The following CNGB3 variants were observed in gnomAD, a reference collection of about 807,000 sequenced individuals.
The protein encoded by CNGB3 is cyclic nucleotide gated channel subunit beta 3, also known as cyclic nucleotide-gated channel beta-3.
In CNGB3, 86 loss-of-function variants were observed where a neutral mutation model predicts 92.8. That is an observed-to-expected ratio of 0.93 (90% CI 0.78 to 1.11). The LOEUF is 1.11. CNGB3 is among the 50% of genes least tolerant of loss of function. The pLI, the probability that CNGB3 is intolerant of heterozygous loss-of-function variation, is 0.00. For synonymous variants in CNGB3, 333 were observed against 332.7 expected, an observed-to-expected ratio of 1.00 and a Z score of -0.01; for missense variants, 1,026 against 956.8, an observed-to-expected ratio of 1.07 and a Z score of -0.95.
intron 3 of CNGB3, among the ~76,000 whole-genome samples, chr8:86,711,701 T>C (rs987360991): frequency 1.3e-5 from 2 of 152,232 alleles, no homozygotes; most frequent in South Asian, 2.1e-4. Context: ...TGTAAAGCAC[T>C]CTTGCTGTTT....
At chr8:86,710,776 A>G (rs192505432) in intron 3 of CNGB3, among the ~76,000 whole-genome samples, 1 of 152,344 alleles carries the variant, frequency 6.6e-6, no homozygotes, top group Non-Finnish European at 1.5e-5. Context: ...ACTTATGAAA[A>G]TAAGCTGGAA....
intron 15 of CNGB3, among the ~76,000 whole-genome samples, chr8:86,580,797 G>A (rs1257193162): frequency 6.6e-6 from 1 of 152,178 alleles, no homozygotes; most frequent in African/African-American, 2.4e-5. Flanking sequence ...AGACACCATA[G>A]GATCTGCATT....
In CNGB3 at chr8:86,659,000, C is replaced by T. The variant is rs949593384; in HGVS notation, c.853-4938G>A. On this transcript the variant is annotated intron_variant, in intron 6 of 17. Coordinates refer to ENST00000320005, the MANE Select transcript of CNGB3 (RefSeq NM_019098.5). Reference sequence around the variant, plus strand: ...GGGCTTGGAGCTGTCCTGCCAGACCCTCCAGCTCCTTCCGCAGGTGCTCGG... The same window carrying T: ...GGGCTTGGAGCTGTCCTGCCAGACCTTCCAGCTCCTTCCGCAGGTGCTCGG... The T allele has an allele frequency of 1.5e-5, 16 of 1,045,664 alleles. No individual in the cohort carries two copies. In the East Asian group the frequency reaches 3.4e-4, roughly 22 times the overall value. The allele number at this position is 1,045,664 out of a possible 1,614,324, so 64.8% of individuals were successfully genotyped here. A position where few individuals can be genotyped will look rare whatever the true frequency, so the allele number is the denominator to read the frequency against.
At chr8:86,593,907 C>T (rs1026827637) in intron 15 of CNGB3, 14 of 593,674 alleles carry the variant, frequency 2.4e-5, no homozygotes, top group Admixed American at 1.9e-4. Flanking sequence ...TGGTAGTCAC[C>T]GCCTGTGTGC....
chr8:86,672,237 T>C (rs1331645577), intron 3 of CNGB3, among the ~76,000 whole-genome samples: 1 of 152,168 alleles, frequency 6.6e-6, no homozygotes, highest in African/African-American at 2.4e-5. Context: ...TAGCTAGGAC[T>C]ACAGGTGCAT....
intron 3 of CNGB3, among the ~76,000 whole-genome samples, chr8:86,691,049 T>G (rs1362386124): frequency 2.6e-5 from 4 of 152,228 alleles, no homozygotes; most frequent in African/African-American, 9.6e-5. Context: ...CAGGCTCTTT[T>G]TTGGTTCCAT....
At chr8:86,653,655 G>T (rs1021402450) in intron 7 of CNGB3, among the ~76,000 whole-genome samples, 1 of 152,056 alleles carries the variant, frequency 6.6e-6, no homozygotes. Context: ...AGAAAGAAGC[G>T]GGAGTAAAAA....
At chr8:86,592,486 A>G (rs950483964) in intron 15 of CNGB3, among the ~76,000 whole-genome samples, 1 of 152,154 alleles carries the variant, frequency 6.6e-6, no homozygotes, top group Non-Finnish European at 1.5e-5. Context: ...GTGTTTCTCC[A>G]TTTTGACTGA....
At chr8:86,601,421 G>C (rs753790541) in intron 15 of CNGB3, among the ~76,000 whole-genome samples, 4 of 152,062 alleles carry the variant, frequency 2.6e-5, no homozygotes, top group Admixed American at 1.3e-4. Context: ...ATGTGGTCTG[G>C]GTTTTCTCAA....
At chr8:86,694,487 C>T (rs1418689518) in intron 3 of CNGB3, among the ~76,000 whole-genome samples, 1 of 151,908 alleles carries the variant, frequency 6.6e-6, no homozygotes, top group South Asian at 2.1e-4. Context: ...GACGGAGGGT[C>T]TCCTCACTTC....
intron 6 of CNGB3, 51 bp downstream of exon 6, chr8:86,666,874 A>T (rs1474679464): frequency 7.1e-7 from 1 of 1,417,066 alleles, no homozygotes; most frequent in Non-Finnish European, 9.9e-7. Context: ...TTTGTAGCCC[A>T]ATTAGATGTT....
intron 15 of CNGB3, among the ~76,000 whole-genome samples, chr8:86,587,577 C>G (rs1821926316): frequency 6.6e-6 from 1 of 152,146 alleles, no homozygotes; most frequent in South Asian, 2.1e-4. Flanking sequence ...TTTCCCAGCA[C>G]CATTTATTAA....
At position 86,711,012 on chromosome 8, in the gene CNGB3, G is replaced by T. The variant is rs142615066; in HGVS notation, c.338+15519C>A. 6.1e-3 allele frequency among the ~76,000 whole-genome samples: 931 copies of T among 152,250 alleles called. 8 individuals are homozygous for T. The highest frequency in any genetic ancestry group is 0.021 in the African/African-American group (886 of 41,552). On this transcript the variant is annotated intron_variant, in intron 3 of 17. Transcript: ENST00000320005. ...AACTGGTGACCTATAGCTGTGTTTTGTTGGATCTATCATTTGAAATAATTT... is the reference window on the plus strand; with the variant it reads ...AACTGGTGACCTATAGCTGTGTTTTTTTGGATCTATCATTTGAAATAATTT...
In CNGB3 at chr8:86,647,790, A is replaced by T; in HGVS notation, c.990+11T>A. The stretch of plus-strand genomic sequence containing the variant: ...TATAAGGGAAAAGACAATTAAATAT[A>T]GTTATCTTACCTTTAACATCCTATT... On this transcript the variant is annotated intron_variant, in intron 8 of 17. Transcript: ENST00000320005. The T allele has an allele frequency of 7.6e-7, 1 of 1,312,716 alleles. No homozygotes were observed. Among genetic ancestry groups the T allele is most frequent in the Non-Finnish European group, 1.1e-6 (1 of 906,786 alleles). 81.3% of individuals were successfully genotyped at this position (1,312,716 alleles called of 1,614,324 possible).
At position 86,632,878 on chromosome 8, in the gene CNGB3, A is replaced by C. The variant is rs775038513; in HGVS notation, c.1194T>G (p.Tyr398Ter). 1.2e-6 allele frequency: 2 copies of C among 1,612,440 alleles called. No individual in the cohort carries two copies. The highest frequency in any genetic ancestry group is 1.7e-6 in the Non-Finnish European group (2 of 1,179,726). ...DGEGNEYLRC[Y>*]YWAVRTLITI... is the part of the protein sequence containing the mutation. ...TAATTAAAGTTCGAACTGCCCAATA[A>C]TAACATCTCAGATACCTGTGAAAAC... Residue 398 changes from tyrosine (Y) to a stop codon, truncating the protein, a stop_gained, in exon 11 of 18, where the codon TAT becomes TAG. Transcript: ENST00000320005. LOFTEE classifies it high-confidence loss of function.
chr8:86,608,417 A>T (rs2131562861), intron 14 of CNGB3, among the ~76,000 whole-genome samples: 1 of 152,338 alleles, frequency 6.6e-6, no homozygotes, highest in African/African-American at 2.4e-5. Flanking sequence ...AGTAGCAAAA[A>T]GTGTCAAGGA....
At chr8:86,719,465 A>T (rs995066168) in intron 3 of CNGB3, among the ~76,000 whole-genome samples, 1 of 152,182 alleles carries the variant, frequency 6.6e-6, no homozygotes. Flanking sequence ...ATACCTAATG[A>T]GGAGGTAAAA....
At chr8:86,741,581 G>A (rs755474377) in intron 1 of CNGB3, among the ~76,000 whole-genome samples, 3 of 151,842 alleles carry the variant, frequency 2.0e-5, no homozygotes, top group African/African-American at 4.8e-5. Flanking sequence ...CAGGAGAATC[G>A]TTTGAACCCA....
intron 15 of CNGB3, among the ~76,000 whole-genome samples, chr8:86,589,095 A>G (rs1325855361): frequency 4.0e-5 from 6 of 151,702 alleles, no homozygotes; most frequent in African/African-American, 1.2e-4. Flanking sequence ...GAATTTATCC[A>G]TTTCTTCTAG....
Sources: allele counts gnomAD v4.1 joint callset (sites outside exome capture counted in the v4.1 genomes callset), GRCh38; gene constraint gnomAD v4.1.1; transcripts MANE v1.5; gene names NCBI Gene and HGNC (gene_info 2026-07-23, HGNC 2026-07-21).